CD300E: variants seen among roughly 807,000 people sequenced by gnomAD.
CD300E encodes the protein CMRF35-like molecule 2.
In CD300E, 14 loss-of-function variants were observed where a neutral mutation model predicts 20.9. That is an observed-to-expected ratio of 0.67 (90% CI 0.44 to 1.05). The LOEUF (loss-of-function observed/expected upper bound fraction) is 1.05, where lower values mean the gene tolerates loss of function less well. Among genes scored for constraint, CD300E ranks in the 50% least tolerant of loss-of-function variants. CD300E has a pLI of 0.00. For missense variants in CD300E, 237 were observed against 253.9 expected (o/e 0.93, Z 0.45); for synonymous variants, 102 against 103.7 (o/e 0.98, Z 0.10).
intron 1 of CD300E, 105 bp downstream of exon 1, chr17:74,623,477 C>T: frequency 1.9e-6 from 2 of 1,064,372 alleles, no homozygotes; most frequent in East Asian, 2.4e-5. Flanking sequence ...TGTATCTTTC[C>T]CTTTTCTGTG....
At chr17:74,618,015 A>C (rs1169542047) in intron 1 of CD300E, among the ~76,000 whole-genome samples, 2 of 152,152 alleles carry the variant, frequency 1.3e-5, no homozygotes, top group African/African-American at 4.8e-5. Context: ...TCTTTACCTG[A>C]ATTTGGGACA....
intron 1 of CD300E, among the ~76,000 whole-genome samples, chr17:74,621,677 C>G (rs1399397465): frequency 6.6e-6 from 1 of 152,166 alleles, no homozygotes; most frequent in Non-Finnish European, 1.5e-5. Context: ...GCAGAGAGGT[C>G]AGCTATTTTG....
Position 74,612,654 on chromosome 17 carries a change from T to C in CD300E, c.617A>G (p.Ter206TrpextTer103). 2 of 1,613,432 alleles carry C rather than the reference T, an allele frequency of 1.2e-6. No homozygotes were observed. The highest frequency in any genetic ancestry group is 1.7e-6 in the Non-Finnish European group (2 of 1,179,890). The change falls in exon 4 of 4, where the codon TAG becomes TGG. Residue 206 changes from the stop codon to tryptophan, a stop_lost. Coordinates refer to ENST00000392619, the MANE Select transcript of CD300E (RefSeq NM_181449.3). ...GCAGGGCTTCGGGTCAGCCTGGCTC[T>C]ATCTTCCAGGAGGAGCCCACTGAGG... is the stretch of plus-strand genomic sequence containing the variant. Reference protein sequence around the residue: ...NRPQWAPPGR* With the variant: ...NRPQWAPPGRW
intron 2 of CD300E, among the ~76,000 whole-genome samples, chr17:74,616,559 G>T (rs1414826496): frequency 1.3e-5 from 2 of 152,088 alleles, no homozygotes; most frequent in African/African-American, 4.8e-5. Context: ...GTAGAGGGTG[G>T]GCATGGCCAT....
chr17:74,615,643 T>TA (rs143887094), intron 2 of CD300E, among the ~76,000 whole-genome samples: 2,911 of 152,266 alleles, frequency 0.019, 99 homozygotes, highest in African/African-American at 0.066. Flanking sequence ...TTTCTAGCCT[T>TA]AGCACTGAAA....
At chr17:74,614,126 C>A in intron 2 of CD300E, 93 bp from the exon 3 acceptor site, 1 of 1,000,210 alleles carries the variant, frequency 1.0e-6, no homozygotes, top group South Asian at 1.4e-5. Flanking sequence ...CACCCACTCA[C>A]AGAAGAGGCT....
chr17:74,612,251 C>G lies in CD300E; in HGVS notation c.*402G>C, dbSNP rs201691992. 3,588 of 94,106 alleles carry G rather than the reference C, an allele frequency of 0.038. 94 individuals are homozygous for G. The highest frequency in any genetic ancestry group is 0.079 in the African/African-American group (2,576 of 32,778). 5.8% of individuals were successfully genotyped at this position (94,106 alleles called of 1,614,324 possible). A position where few individuals can be genotyped will look rare whatever the true frequency, so the allele number is the denominator to read the frequency against. ...TCTCTCTCTCTCTCTCTCTCTGTCT[C>G]TCTCTCTCTCTCTCTCTCTCTCTCT... On this transcript the variant is annotated 3_prime_UTR_variant, in exon 4 of 4. Transcript: ENST00000392619.
chr17:74,623,438 A>G (rs2031063884), intron 1 of CD300E, 144 bp downstream of exon 1: 1 of 733,762 alleles, frequency 1.4e-6, no homozygotes, highest in Non-Finnish European at 2.3e-6. Flanking sequence ...GATTGAATGT[A>G]TAGAAGGATG....
At chr17:74,616,562 A>G (rs2030904857) in intron 2 of CD300E, among the ~76,000 whole-genome samples, 1 of 152,170 alleles carries the variant, frequency 6.6e-6, no homozygotes, top group South Asian at 2.1e-4. Flanking sequence ...GAGGGTGGGC[A>G]TGGCCATCTG....
In CD300E at chr17:74,613,970, G is replaced by C; in HGVS notation, c.452C>G (p.Pro151Arg). Residue 151 changes from proline to arginine, a missense_variant, in exon 3 of 4, where the codon CCT (proline) becomes CGT (arginine). Transcript: ENST00000392619. ...ATPPIFLVVN[P>R]GRNLSTGEVL... ...CTCCCCGGTGCTGAGGTTTCGCCCAGGGTTCACCACCAGGAAGATGGGAGG... is the reference window on the plus strand; with the variant it reads ...CTCCCCGGTGCTGAGGTTTCGCCCACGGTTCACCACCAGGAAGATGGGAGG... 1.9e-6 allele frequency: 3 copies of C among 1,614,068 alleles called. No individual in the cohort carries two copies. Among genetic ancestry groups the C allele is most frequent in the Non-Finnish European group, 2.5e-6 (3 of 1,179,968 alleles).
Position 74,611,141 on chromosome 17 carries a change from A to T in CD300E, c.*1512T>A, listed in dbSNP as rs1010901012. 6.6e-6 allele frequency: 1 copy of T among 152,226 alleles called. No individual in the cohort carries two copies. The highest frequency in any genetic ancestry group is 2.4e-5 in the African/African-American group (1 of 41,468). The allele number at this position is 152,226 out of a possible 1,614,324, so 9.4% of individuals were successfully genotyped here. A position where few individuals can be genotyped will look rare whatever the true frequency, so the allele number is the denominator to read the frequency against. On this transcript the variant is annotated 3_prime_UTR_variant, in exon 4 of 4. Transcript: ENST00000392619. ...ATCATAAGCTCCTTTCTTGCTCATC[A>T]TCATATTTCCCGGGTTAATATAATT...
At position 74,612,251 on chromosome 17, in the gene CD300E, C is replaced by CTGTT. The variant is rs2030799485; in HGVS notation, c.*401_*402insAACA. 1 of 94,200 alleles carries CTGTT rather than the reference C, an allele frequency of 1.1e-5. No homozygotes were observed. Among genetic ancestry groups the CTGTT allele is most frequent in the African/African-American group, 3.0e-5 (1 of 32,820 alleles). The allele number at this position is 94,200 out of a possible 1,614,324, so 5.8% of individuals were successfully genotyped here. A position where few individuals can be genotyped will look rare whatever the true frequency, so the allele number is the denominator to read the frequency against. On this transcript the variant is annotated 3_prime_UTR_variant, in exon 4 of 4. Coordinates refer to ENST00000392619, the MANE Select transcript of CD300E (RefSeq NM_181449.3). ...TCTCTCTCTCTCTCTCTCTCTGTCT[C>CTGTT]TCTCTCTCTCTCTCTCTCTCTCTCT...
At position 74,612,655 on chromosome 17, in the gene CD300E, A is replaced by G. The variant is rs761677100; in HGVS notation, c.616T>C (p.Ter206GlnextTer103). The change falls in exon 4 of 4, where the codon TAG becomes CAG. Residue 206 changes from the stop codon to glutamine (Q), a stop_lost. Transcript: ENST00000392619. ...CAGGGCTTCGGGTCAGCCTGGCTCT[A>G]TCTTCCAGGAGGAGCCCACTGAGGC... is the stretch of plus-strand genomic sequence containing the variant. The part of the protein sequence containing the change: ...NRPQWAPPGR[*>Q] 11 of 1,613,284 alleles carry G rather than the reference A, an allele frequency of 6.8e-6. No individual in the cohort carries two copies. The highest frequency in any genetic ancestry group is 1.3e-5 in the African/African-American group (1 of 74,888).
rs763906744 is a variant in CD300E, at chr17:74,612,505, C to T, written c.*148G>A. 3.5e-6 allele frequency: 4 copies of T among 1,129,906 alleles called. No homozygotes were observed. Among genetic ancestry groups the T allele is most frequent in the Non-Finnish European group, 5.0e-6 (4 of 801,470 alleles). 70.0% of individuals were successfully genotyped at this position (1,129,906 alleles called of 1,614,324 possible). Reference sequence around the variant, plus strand: ...ACATTGAGGACTCCAGAGGAGTGTCCTCTAAGAGCCAGGACCCTCCTTTGA... The same window carrying T: ...ACATTGAGGACTCCAGAGGAGTGTCTTCTAAGAGCCAGGACCCTCCTTTGA... On this transcript the variant is annotated 3_prime_UTR_variant, in exon 4 of 4. Transcript: ENST00000392619.
chr17:74,613,382 G>A (rs960938692), intron 3 of CD300E, among the ~76,000 whole-genome samples: 5 of 152,190 alleles, frequency 3.3e-5, no homozygotes, highest in Admixed American at 1.3e-4. Context: ...GATTGCAGGC[G>A]TGAGCCACCA....
intron 1 of CD300E, among the ~76,000 whole-genome samples, chr17:74,618,076 C>T (rs192597241): frequency 4.4e-4 from 67 of 152,302 alleles, no homozygotes; most frequent in African/African-American, 1.6e-3. Context: ...TCAGAGGTCA[C>T]CATGCATTCA....
At chr17:74,619,332 G>C in intron 1 of CD300E, 1 of 327,378 alleles carries the variant, frequency 3.1e-6, no homozygotes, top group South Asian at 2.4e-5. Context: ...TAGGATCAGA[G>C]CCAGTCCCTT....
intron 1 of CD300E, among the ~76,000 whole-genome samples, chr17:74,617,805 T>C (rs1015607128): frequency 1.3e-5 from 2 of 152,188 alleles, no homozygotes; most frequent in African/African-American, 4.8e-5. Flanking sequence ...ATCACTTCCC[T>C]TTGGAGTGAG....
chr17:74,617,547 T>C, intron 1 of CD300E, 82 bp from the exon 2 acceptor site: 2 of 1,231,978 alleles, frequency 1.6e-6, no homozygotes, highest in East Asian at 5.0e-5. Flanking sequence ...AAGGGGAAGA[T>C]TGCCAGGGAG....
Sources: allele counts gnomAD v4.1 joint callset (sites outside exome capture counted in the v4.1 genomes callset), GRCh38; gene constraint gnomAD v4.1.1; transcripts MANE v1.5; gene names NCBI Gene and HGNC (gene_info 2026-07-23, HGNC 2026-07-21).